EXOC3: variants seen among roughly 807,000 people sequenced by gnomAD.
The protein encoded by EXOC3 is SEC6-like 1.
In EXOC3, 21 loss-of-function variants were observed where a neutral mutation model predicts 73.7. That is an observed-to-expected ratio of 0.29 (90% confidence interval 0.20 to 0.41). The LOEUF is 0.41. Ranked by LOEUF, EXOC3 falls within the 10% of genes least tolerant of loss-of-function variation. EXOC3 has a pLI of 1.00. For missense variants in EXOC3, 842 were observed against 985.1 expected (o/e 0.85, Z 1.95); for synonymous variants, 410 against 389.1 (o/e 1.05, Z -0.63).
intron 3 of EXOC3, among the ~76,000 whole-genome samples, chr5:451,663 C>T (rs1430434554): frequency 2.0e-5 from 3 of 152,192 alleles, no homozygotes; most frequent in Non-Finnish European, 2.9e-5. Flanking sequence ...TGCTTCTTCA[C>T]GTGGCTTCCA....
rs190682649 is a variant in EXOC3 at position 456,881 on chromosome 5, C to T, written c.1047-8C>T. 1.6e-4 allele frequency: 256 copies of T among 1,607,544 alleles called. No homozygotes were observed. The highest frequency in any genetic ancestry group is 1.6e-3 in the East Asian group (71 of 44,852). ...GGTTTGTCACTCACATTCCTGGTTC[C>T]CCCATAGTACTGAGATGATGAGGAA... On this transcript the variant is annotated splice_polypyrimidine_tract_variant and splice_region_variant and intron_variant, in intron 4 of 12. Coordinates refer to ENST00000512944, the MANE Select transcript of EXOC3 (RefSeq NM_007277.5).
chr5:461,330 G>T (rs964095961), intron 7 of EXOC3, among the ~76,000 whole-genome samples: 1 of 152,088 alleles, frequency 6.6e-6, no homozygotes, highest in Non-Finnish European at 1.5e-5. Flanking sequence ...AAGAAACAAG[G>T]TCGGTCAGGC....
rs554336621 is a variant in EXOC3, at chr5:455,899, C to T, written c.1047-990C>T. 1.3e-3 allele frequency among the ~76,000 whole-genome samples: 199 copies of T among 152,354 alleles called. 6 individuals are homozygous for T. In the South Asian group the frequency reaches 0.04, roughly 30 times the overall value. ...GATTACAGGCGTGAGCCACCATGCC[C>T]GGCTGATAATAACTTTCTAATGAAA... is the stretch of plus-strand genomic sequence containing the variant. On this transcript the variant is annotated intron_variant, in intron 4 of 12. Coordinates refer to ENST00000512944, the MANE Select transcript of EXOC3 (RefSeq NM_007277.5).
At chr5:464,172 C>T in intron 9 of EXOC3, 118 bp from the exon 10 acceptor site, 1 of 997,718 alleles carries the variant, frequency 1.0e-6, no homozygotes, top group Non-Finnish European at 1.5e-6. Context: ...TGCCTCCCTC[C>T]CACACTGCAC....
intron 12 of EXOC3, 115 bp downstream of exon 12, chr5:465,960 G>C (rs10474780): frequency 0.68 from 804,759 of 1,191,742 alleles, 275,459 homozygotes; most frequent in African/African-American, 0.83. Flanking sequence ...CCTGCAGCAC[G>C]GCAAGGGTTC....
chr5:462,918 C>T (rs1738031097), intron 9 of EXOC3, among the ~76,000 whole-genome samples: 1 of 152,174 alleles, frequency 6.6e-6, no homozygotes, highest in African/African-American at 2.4e-5. Flanking sequence ...CCAGCCTGAC[C>T]AACATGGAGA....
intron 1 of EXOC3, among the ~76,000 whole-genome samples, chr5:444,026 C>G (rs1325377533): frequency 1.3e-5 from 2 of 152,064 alleles, no homozygotes; most frequent in African/African-American, 4.8e-5. Context: ...CAGGCGTCCC[C>G]CCGGTAAAGG....
rs370854107 is a variant in EXOC3, at chr5:454,868, ATTTTT to A, written c.1046+833_1046+837del. Among the ~76,000 whole-genome samples the A allele has an allele frequency of 1.6e-4, 18 of 110,792 alleles. No homozygotes were observed. In the Admixed American group the frequency reaches 1.7e-3, roughly 10 times the overall value. The allele number at this position is 110,792 out of a possible 152,430, so 72.7% of individuals were successfully genotyped here. A position where few individuals can be genotyped will look rare whatever the true frequency, so the allele number is the denominator to read the frequency against. On this transcript the variant is annotated intron_variant, in intron 4 of 12. Coordinates refer to ENST00000512944, the MANE Select transcript of EXOC3 (RefSeq NM_007277.5). Reference sequence around the variant, plus strand: ...GCAGTGGAGAAATTGAATAAACCTCATTTTTTTTTTTTTTTTTTTTAGCAGTAAGG... The same window carrying A: ...GCAGTGGAGAAATTGAATAAACCTCATTTTTTTTTTTTTTTAGCAGTAAGG...
Position 454,119 on chromosome 5 carries a change from C to T in EXOC3, c.1046+68C>T, listed in dbSNP as rs542942578. The stretch of plus-strand genomic sequence containing the variant: ...CGTGTGTGAGAGGGGCCTGCAGCTG[C>T]TTGCTGGAGAGCCGACCTCAGGGTG... On this transcript the variant is annotated intron_variant, in intron 4 of 12. Transcript: ENST00000512944. The T allele has an allele frequency of 5.9e-5, 80 of 1,349,144 alleles. 1 individual carries two copies. The South Asian group carries it at 1.0e-3, about 18-fold the overall frequency. The allele number at this position is 1,349,144 out of a possible 1,614,324, so 83.6% of individuals were successfully genotyped here. A position where few individuals can be genotyped will look rare whatever the true frequency, so the allele number is the denominator to read the frequency against.
At chr5:449,203 G>C (rs534927720) in intron 3 of EXOC3, among the ~76,000 whole-genome samples, 1 of 152,342 alleles carries the variant, frequency 6.6e-6, no homozygotes, top group African/African-American at 2.4e-5. Context: ...TCATTGAGAA[G>C]ATTGGTTTGG....
chr5:466,583 T>C (rs1738158233), intron 12 of EXOC3, 144 bp from the exon 13 acceptor site: 1 of 693,554 alleles, frequency 1.4e-6, no homozygotes, highest in African/African-American at 1.8e-5. Flanking sequence ...TGTCTCCCGC[T>C]GAAAAGGGAA....
intron 2 of EXOC3, 36 bp from the exon 3 acceptor site, chr5:447,497 A>G (rs1361768085): frequency 3.4e-6 from 5 of 1,456,128 alleles, no homozygotes; most frequent in East Asian, 2.5e-5. Context: ...CATGGCTATC[A>G]TTGGCTCTGC....
chr5:464,662 C>G (rs1023066236), intron 10 of EXOC3: 5 of 464,288 alleles, frequency 1.1e-5, no homozygotes, highest in East Asian at 4.1e-5. Context: ...CCCGCGTGCC[C>G]CGTCTTAGCT....
intron 3 of EXOC3, among the ~76,000 whole-genome samples, chr5:451,568 C>T (rs2672721): frequency 0.56 from 84,362 of 151,996 alleles, 24,479 homozygotes; most frequent in African/African-American, 0.75. Flanking sequence ...AAGTCATGTA[C>T]GAAACAGAGT....
At chr5:450,959 G>C (rs1004549035) in intron 3 of EXOC3, among the ~76,000 whole-genome samples, 1 of 151,850 alleles carries the variant, frequency 6.6e-6, no homozygotes, top group African/African-American at 2.4e-5. Context: ...GTTGAATCAT[G>C]TTTTATTTTT....
At chr5:462,333 G>A (rs563248749) in intron 9 of EXOC3, 26 bp downstream of exon 9, 97 of 1,613,314 alleles carry the variant, frequency 6.0e-5, no homozygotes, top group African/African-American at 1.2e-4. Context: ...TCCTCCTGCC[G>A]TTTTCTGGGC....
At chr5:461,127 C>T (rs1737970834) in intron 7 of EXOC3, among the ~76,000 whole-genome samples, 1 of 151,818 alleles carries the variant, frequency 6.6e-6, no homozygotes, top group Admixed American at 6.6e-5. Flanking sequence ...GATGAGGTTC[C>T]TAACACTATG....
intron 10 of EXOC3, 157 bp from the exon 11 acceptor site, chr5:464,954 C>G (rs1290982846): frequency 1.3e-6 from 1 of 768,020 alleles, no homozygotes; most frequent in Non-Finnish European, 2.0e-6. Context: ...AGCCCCCGCT[C>G]CTCCTCTGCG....
At chr5:461,727 A>T in intron 7 of EXOC3, 1 of 518,346 alleles carries the variant, frequency 1.9e-6, no homozygotes, top group Non-Finnish European at 3.4e-6. Context: ...TCAGCCTCCT[A>T]ATGAGCCATA....
Sources: allele counts gnomAD v4.1 joint callset (sites outside exome capture counted in the v4.1 genomes callset), GRCh38; gene constraint gnomAD v4.1.1; transcripts MANE v1.5; gene names NCBI Gene and HGNC (gene_info 2026-07-23, HGNC 2026-07-21).